SLC9C1: variants seen among roughly 807,000 people sequenced by gnomAD.
SLC9C1 encodes the protein sodium/hydrogen exchanger 10.
Under a neutral mutation model 140.9 loss-of-function variants are expected in SLC9C1, and 97 were observed. That is an observed-to-expected ratio of 0.69 (90% confidence interval 0.58 to 0.82). The LOEUF (loss-of-function observed/expected upper bound fraction) is 0.82, where lower values mean the gene tolerates loss of function less well. SLC9C1 is among the 40% of genes least tolerant of loss of function. SLC9C1 has a pLI of 0.00. For missense variants in SLC9C1, 1,340 were observed against 1,389.3 expected, an observed-to-expected ratio of 0.96 and a Z score of 0.56; for synonymous variants, 440 against 442.6, an observed-to-expected ratio of 0.99 and a Z score of 0.07.
chr3:112,231,366 G>GAATAGTTGGCC lies in SLC9C1; in HGVS notation c.1566_1567insGGCCAACTATT (p.Gln523GlyfsTer6). The GAATAGTTGGCC allele has an allele frequency of 1.2e-6, 2 of 1,613,186 alleles. No individual in the cohort carries two copies. The highest frequency in any genetic ancestry group is 4.5e-5 in the East Asian group (2 of 44,828). On this transcript the variant is annotated frameshift_variant, in exon 13 of 29. Transcript: ENST00000305815. LOFTEE classifies it high-confidence loss of function. Reference sequence around the variant, plus strand: ...AAAAGAGAATAATACAGTACTATTTGTGCTGACAAGAGACGCCTGTTGGCC... The same window carrying GAATAGTTGGCC: ...AAAAGAGAATAATACAGTACTATTTGAATAGTTGGCCTGCTGACAAGAGACGCCTGTTGGCC...
intron 10 of SLC9C1, 44 bp from the exon 11 acceptor site, chr3:112,244,120 A>C: frequency 8.1e-7 from 1 of 1,233,448 alleles, no homozygotes; most frequent in Non-Finnish European, 1.2e-6. Flanking sequence ...TGACAATTTC[A>C]TATAATATAG....
At chr3:112,158,673 T>G (rs2075196533) in intron 26 of SLC9C1, among the ~76,000 whole-genome samples, 1 of 151,988 alleles carries the variant, frequency 6.6e-6, no homozygotes, top group African/African-American at 2.4e-5. Flanking sequence ...TGGGAGACTT[T>G]TTATTATGGC....
intron 26 of SLC9C1, 133 bp from the exon 27 acceptor site, chr3:112,155,182 A>G: frequency 1.6e-6 from 1 of 640,770 alleles, no homozygotes; most frequent in Non-Finnish European, 2.5e-6. Flanking sequence ...TGGTAATCTC[A>G]TTTGGTTAAA....
At chr3:112,290,919 C>T (rs1310215250) in intron 1 of SLC9C1, among the ~76,000 whole-genome samples, 2 of 150,122 alleles carry the variant, frequency 1.3e-5, no homozygotes, top group Non-Finnish European at 3.0e-5. Context: ...TAGTTTTTCT[C>T]CATCCATTTC....
intron 13 of SLC9C1, among the ~76,000 whole-genome samples, chr3:112,226,795 C>A (rs891510753): frequency 2.6e-5 from 4 of 151,582 alleles, no homozygotes; most frequent in African/African-American, 9.7e-5. Flanking sequence ...AAAGTAAGAA[C>A]AAACCAAACC....
intron 27 of SLC9C1, among the ~76,000 whole-genome samples, chr3:112,152,473 C>A (rs543705715): frequency 6.6e-6 from 1 of 152,066 alleles, no homozygotes; most frequent in South Asian, 2.1e-4. Context: ...GGTTTTACAC[C>A]GAGACATTCC....
Position 112,199,481 on chromosome 3 carries a change from C to G in SLC9C1, c.2375-12G>C, listed in dbSNP as rs1458062356. On this transcript the variant is annotated splice_polypyrimidine_tract_variant and intron_variant, in intron 19 of 28. Transcript: ENST00000305815. ...ATACTCTAAGTAGCCTAAAAAATAA[C>G]AAAATATTTTTAGATTAAATAAGAA... 1 of 1,540,188 alleles carries G rather than the reference C, an allele frequency of 6.5e-7. No homozygotes were observed. Among genetic ancestry groups the G allele is most frequent in the East Asian group, 2.3e-5 (1 of 43,328 alleles).
intron 7 of SLC9C1, among the ~76,000 whole-genome samples, chr3:112,268,818 G>C (rs2079992615): frequency 6.6e-6 from 1 of 152,140 alleles, no homozygotes; most frequent in Admixed American, 6.5e-5. Flanking sequence ...ATGTAACAGA[G>C]ACATAGTACA....
chr3:112,212,224 A>G (rs967357193), intron 15 of SLC9C1, among the ~76,000 whole-genome samples: 1 of 152,180 alleles, frequency 6.6e-6, no homozygotes, highest in Non-Finnish European at 1.5e-5. Context: ...ATCATCAAAG[A>G]CCAAAAGTAG....
chr3:112,155,141 A>G, intron 26 of SLC9C1, 92 bp from the exon 27 acceptor site: 1 of 1,118,666 alleles, frequency 8.9e-7, no homozygotes, highest in Non-Finnish European at 1.3e-6. Flanking sequence ...TCAGATTCAA[A>G]TCACACTCAG....
At chr3:112,258,834 G>A (rs908786290) in intron 10 of SLC9C1, among the ~76,000 whole-genome samples, 5 of 152,082 alleles carry the variant, frequency 3.3e-5, no homozygotes, top group African/African-American at 1.2e-4. Context: ...GCATGGCTGG[G>A]GAGGACTCAG....
chr3:112,287,614 C>A (rs140506301), intron 1 of SLC9C1, among the ~76,000 whole-genome samples: 2 of 152,212 alleles, frequency 1.3e-5, no homozygotes, highest in Non-Finnish European at 2.9e-5. Context: ...GGCAATCTCG[C>A]CTGCTTCCCA....
Position 112,200,766 on chromosome 3 carries a change from A to C in SLC9C1, c.2323-4T>G. 1.9e-6 allele frequency: 3 copies of C among 1,605,078 alleles called. No individual in the cohort carries two copies. Among genetic ancestry groups the C allele is most frequent in the Non-Finnish European group, 2.6e-6 (3 of 1,175,782 alleles). On this transcript the variant is annotated splice_region_variant and splice_polypyrimidine_tract_variant and intron_variant, in intron 18 of 28. Coordinates refer to ENST00000305815, the MANE Select transcript of SLC9C1 (RefSeq NM_183061.3). The stretch of plus-strand genomic sequence containing the variant: ...TTATCACTTGCTTTAATAACATCTA[A>C]GGAACAAAAGAAATGTTATCCCCAT...
In SLC9C1 at chr3:112,167,344, G is replaced by T. The variant is rs144700995; in HGVS notation, c.3241C>A (p.Gln1081Lys). Residue 1081 changes from glutamine to lysine, a missense_variant, in exon 26 of 29, where the codon CAA (glutamine) becomes AAA (lysine). Transcript: ENST00000305815. ...FLIPITCHQI[Q>K]SIEDFTKVVI... ...ACTTTTGTGAAATCTTCAATACTTT[G>T]TATCTGAAAGTTGACAGAATGCAAG... 1,214 of 1,581,164 alleles carry T rather than the reference G, an allele frequency of 7.7e-4. 1 individual carries two copies. The highest frequency in any genetic ancestry group is 9.9e-4 in the Non-Finnish European group (1,154 of 1,166,514).
intron 12 of SLC9C1, among the ~76,000 whole-genome samples, chr3:112,239,261 G>A (rs375252556): frequency 5.3e-5 from 8 of 152,326 alleles, no homozygotes; most frequent in Admixed American, 2.0e-4. Flanking sequence ...AGCCAGGTGC[G>A]GGATATAATC....
intron 10 of SLC9C1, among the ~76,000 whole-genome samples, chr3:112,257,598 T>C (rs1237026289): frequency 6.6e-6 from 1 of 152,242 alleles, no homozygotes; most frequent in East Asian, 1.9e-4. Flanking sequence ...ATAAAAACCC[T>C]GGAAGACGAC....
chr3:112,203,780 C>G lies in SLC9C1; in HGVS notation c.2172+438G>C, dbSNP rs571369415. Among the ~76,000 whole-genome samples the G allele has an allele frequency of 1.4e-4, 21 of 151,876 alleles. 1 individual carries two copies. The East Asian group carries it at 3.1e-3, about 22-fold the overall frequency. On this transcript the variant is annotated intron_variant, in intron 17 of 28. Transcript: ENST00000305815. ...GACAATCAAAGGTTATTTTTGAAAC[C>G]ATATTTCTATAATACTATATGTATT...
chr3:112,255,460 A>T (rs1034295404), intron 10 of SLC9C1, among the ~76,000 whole-genome samples: 1 of 152,180 alleles, frequency 6.6e-6, no homozygotes, highest in Admixed American at 6.6e-5. Flanking sequence ...CATGGAAATT[A>T]AACAACCTGC....
chr3:112,188,744 T>C (rs2077588770), intron 20 of SLC9C1, among the ~76,000 whole-genome samples: 1 of 152,222 alleles, frequency 6.6e-6, no homozygotes, highest in South Asian at 2.1e-4. Context: ...CCTTTGGGTA[T>C]ATACCCAGTA....
Sources: gnomAD v4.1 joint callset for allele counts (sites outside exome capture counted in the v4.1 genomes callset) on GRCh38, gnomAD v4.1.1 for gene constraint, MANE v1.5 for transcripts, NCBI Gene and HGNC (gene_info 2026-07-23, HGNC 2026-07-21) for gene names.